Variants in WASF2 observed in about 807,000 individuals in gnomAD.
The protein encoded by WASF2 is WASP family member 2.
A neutral mutation model predicts 45.0 loss-of-function variants in WASF2; 14 were observed. The ratio of observed to expected loss-of-function variants is 0.31; its 90% CI spans 0.21 to 0.49. WASF2 has a LOEUF of 0.49. Ranked by LOEUF, WASF2 falls within the 20% of genes least tolerant of loss-of-function variation. The pLI is 0.99. For missense variants in WASF2, 439 were observed against 636.1 expected (o/e 0.69, Z 3.33); for synonymous variants, 200 against 236.3 (o/e 0.85, Z 1.41).
intron 1 of WASF2, among the ~76,000 whole-genome samples, chr1:27,446,896 T>A (rs715224): frequency 0.045 from 6,863 of 152,276 alleles, 678 homozygotes; most frequent in East Asian, 0.38. Context: ...CCCGTGAGCA[T>A]TCTTCTTGCT....
chr1:27,450,652 C>CA (rs2017372523), intron 1 of WASF2, among the ~76,000 whole-genome samples: 2 of 152,088 alleles, frequency 1.3e-5, no homozygotes, highest in South Asian at 4.1e-4. Flanking sequence ...AGGCACGCGC[C>CA]CCACGCCTGG....
chr1:27,439,198 CA>C (rs1256600128), intron 1 of WASF2, among the ~76,000 whole-genome samples: 1 of 152,206 alleles, frequency 6.6e-6, no homozygotes, highest in African/African-American at 2.4e-5. Context: ...CCTGTTAAAT[CA>C]TTATCATGAC....
At chr1:27,449,674 A>T (rs1425268469) in intron 1 of WASF2, among the ~76,000 whole-genome samples, 1 of 152,128 alleles carries the variant, frequency 6.6e-6, no homozygotes, top group Non-Finnish European at 1.5e-5. Context: ...TCACAAAGAT[A>T]AGGATAAGGA....
At chr1:27,468,302 TG>T (rs2017642252) in intron 1 of WASF2, among the ~76,000 whole-genome samples, 1 of 151,976 alleles carries the variant, frequency 6.6e-6, no homozygotes, top group African/African-American at 2.4e-5. Context: ...TACACAACTT[TG>T]TTTCTTTAAC....
At chr1:27,429,638 G>A (rs1008186948) in intron 1 of WASF2, among the ~76,000 whole-genome samples, 1 of 151,912 alleles carries the variant, frequency 6.6e-6, no homozygotes. Context: ...TTGGCCAGGC[G>A]TGTCGCGGGT....
intron 8 of WASF2, 115 bp from the exon 9 acceptor site, chr1:27,408,461 G>T: frequency 7.4e-7 from 1 of 1,358,766 alleles, no homozygotes; most frequent in Non-Finnish European, 9.9e-7. Flanking sequence ...AAAGGATAGA[G>T]AAAAAGAAGG....
At position 27,489,252 on chromosome 1, in the gene WASF2, G is replaced by GCGCACA. The variant is rs1255427152; in HGVS notation, c.-44+733_-44+734insTGTGCG. 1.6e-4 allele frequency among the ~76,000 whole-genome samples: 13 copies of GCGCACA among 80,298 alleles called. No homozygotes were observed. In the South Asian group the frequency reaches 3.8e-3, roughly 23 times the overall value. 52.7% of individuals were successfully genotyped at this position (80,298 alleles called of 152,430 possible). A position where few individuals can be genotyped will look rare whatever the true frequency, so the allele number is the denominator to read the frequency against. ...ACTCTGCAGACTATCCTGTACGCGCGCACACACACACACACACACACACAC... is the reference window on the plus strand; with the variant it reads ...ACTCTGCAGACTATCCTGTACGCGCGCGCACACACACACACACACACACACACACAC... On this transcript the variant is annotated intron_variant, in intron 1 of 8. Transcript: ENST00000618852.
At chr1:27,419,382 A>G (rs1023313398) in intron 2 of WASF2, among the ~76,000 whole-genome samples, 7 of 152,240 alleles carry the variant, frequency 4.6e-5, no homozygotes, top group African/African-American at 1.7e-4. Flanking sequence ...GCAAAAAATT[A>G]AGCCTGGAAG....
intron 2 of WASF2, among the ~76,000 whole-genome samples, 176 bp from the exon 3 acceptor site, chr1:27,419,264 T>G (rs1475958362): frequency 6.6e-6 from 1 of 152,178 alleles, no homozygotes; most frequent in Non-Finnish European, 1.5e-5. Flanking sequence ...AGAAATACTC[T>G]TCATAGTTTA....
chr1:27,449,498 T>A (rs558914772), intron 1 of WASF2, among the ~76,000 whole-genome samples: 1 of 147,298 alleles, frequency 6.8e-6, no homozygotes, highest in Non-Finnish European at 1.5e-5. Context: ...ATTTGGGAGG[T>A]TGAGGCAGGA....
chr1:27,475,967 A>G (rs1053470021), intron 1 of WASF2, among the ~76,000 whole-genome samples: 1 of 152,068 alleles, frequency 6.6e-6, no homozygotes, highest in African/African-American at 2.4e-5. Flanking sequence ...TGTCTATCCA[A>G]GGCTTCCCAA....
chr1:27,487,007 TTA>T (rs1283807759), intron 1 of WASF2, among the ~76,000 whole-genome samples: 3 of 147,478 alleles, frequency 2.0e-5, no homozygotes, highest in Non-Finnish European at 1.5e-5. Context: ...TAATCTACAT[TTA>T]TATATTATAT....
Position 27,407,982 on chromosome 1 carries a change from C to A in WASF2, c.*207G>T. The A allele has an allele frequency of 1.9e-6, 1 of 514,704 alleles. No individual in the cohort carries two copies. Among genetic ancestry groups the A allele is most frequent in the Admixed American group, 3.8e-5 (1 of 26,444 alleles). The allele number at this position is 514,704 out of a possible 1,614,324, so 31.9% of individuals were successfully genotyped here. A position where few individuals can be genotyped will look rare whatever the true frequency, so the allele number is the denominator to read the frequency against. On this transcript the variant is annotated 3_prime_UTR_variant, in exon 9 of 9. Coordinates refer to ENST00000618852, the MANE Select transcript of WASF2 (RefSeq NM_006990.5). ...CATCCCAGCTACTGAACCTCAGGAG[C>A]CCCACAGGGCCTGAAAATGGGGAGA...
intron 1 of WASF2, among the ~76,000 whole-genome samples, chr1:27,454,181 ATATATATTT>A (rs1359682709): frequency 1.1e-3 from 11 of 9,762 alleles, no homozygotes; most frequent in African/African-American, 2.5e-3. Flanking sequence ...ATATATATAT[ATATATATTT>A]TTTTTTTTTT....
At position 27,418,324 on chromosome 1, in the gene WASF2, C is replaced by G. The variant is rs150650907; in HGVS notation, c.364G>C (p.Glu122Gln). 5,946 of 1,614,194 alleles carry G rather than the reference C, an allele frequency of 3.7e-3. 20 individuals carry two copies. Among genetic ancestry groups the G allele is most frequent in the Non-Finnish European group, 4.1e-3 (4,885 of 1,180,008 alleles). Residue 122 changes from glutamate to glutamine, a missense_variant, in exon 4 of 9, where the codon GAA becomes CAA. By Grantham distance (29) the Glu-to-Gln change is conservative. Transcript: ENST00000618852. ...DRNSLPVPVLETYNTCDTPPP... is the reference protein window; with the variant it reads ...DRNSLPVPVLQTYNTCDTPPP... ...GGAGTATCACAGGTATTGTATGTTT[C>G]TAAGACAGGCACTGGGAGAGAGTTT...
intron 1 of WASF2, among the ~76,000 whole-genome samples, chr1:27,461,951 C>T (rs1251638989): frequency 6.6e-6 from 1 of 151,518 alleles, no homozygotes; most frequent in Admixed American, 6.6e-5. Context: ...TCTGAGCTAC[C>T]ACACACGGCC....
At chr1:27,456,336 A>AAAC (rs1437207999) in intron 1 of WASF2, among the ~76,000 whole-genome samples, 1 of 124,770 alleles carries the variant, frequency 8.0e-6, no homozygotes, top group African/African-American at 2.6e-5. Flanking sequence ...AAAAAAAAAA[A>AAAC]AACAACAATG....
intron 1 of WASF2, among the ~76,000 whole-genome samples, chr1:27,466,231 G>A (rs976451737): frequency 4.6e-5 from 7 of 152,030 alleles, no homozygotes; most frequent in Non-Finnish European, 8.8e-5. Context: ...TTTCTTTTTT[G>A]AAGTATTCCA....
chr1:27,454,856 C>T (rs890944672), intron 1 of WASF2, among the ~76,000 whole-genome samples: 1 of 152,052 alleles, frequency 6.6e-6, no homozygotes, highest in African/African-American at 2.4e-5. Flanking sequence ...TCAAGTTGAT[C>T]GACATTGGGA....
Sources: allele counts gnomAD v4.1 joint callset (sites outside exome capture counted in the v4.1 genomes callset), GRCh38; gene constraint gnomAD v4.1.1; transcripts MANE v1.5; gene names NCBI Gene and HGNC (gene_info 2026-07-23, HGNC 2026-07-21).